Variants in RPLP2 observed in about 807,000 individuals in gnomAD.
RPLP2 encodes the protein large ribosomal subunit protein P2.
A neutral mutation model predicts 11.5 loss-of-function variants in RPLP2; 1 was observed. The observed-to-expected ratio is 0.09, with a 90% CI of 0.03 to 0.41. RPLP2 has a LOEUF of 0.41. Among genes scored for constraint, RPLP2 ranks in the 10% least tolerant of loss-of-function variants. RPLP2 has a pLI of 0.98. For synonymous variants in RPLP2, 82 were observed against 55.9 expected, an observed-to-expected ratio of 1.47 and a Z score of -2.08; for missense variants, 177 against 145.6, an observed-to-expected ratio of 1.22 and a Z score of -1.11.
intron 3 of RPLP2, chr11:812,281 G>A: frequency 1.8e-6 from 1 of 546,254 alleles, no homozygotes; most frequent in Non-Finnish European, 3.3e-6. Context: ...GGTGGAGGTG[G>A]GGAAATTGGG....
chr11:812,132 A>T (rs749586597), intron 3 of RPLP2: 5 of 379,254 alleles, frequency 1.3e-5, no homozygotes, highest in Non-Finnish European at 2.5e-5. Flanking sequence ...CTTGTCTTCC[A>T]TGCATGTGAC....
Position 811,331 on chromosome 11 carries a change from G to A in RPLP2, c.124-266G>A, listed in dbSNP as rs1866049199. On this transcript the variant is annotated intron_variant, in intron 2 of 4. Coordinates refer to ENST00000321153, the MANE Select transcript of RPLP2 (RefSeq NM_001004.4). ...ATTTCATTGCCAGTTTATTTTGCCA[G>A]TGTTGAAGATACCTATGAGTAGTCA... 13 of 532,804 alleles carry A rather than the reference G, an allele frequency of 2.4e-5. No homozygotes were observed. The South Asian group carries it at 2.6e-4, about 11-fold the overall frequency. The allele number at this position is 532,804 out of a possible 1,614,324, so 33.0% of individuals were successfully genotyped here.
In RPLP2 at chr11:810,743, G is replaced by A. The variant is rs142280716; in HGVS notation, c.123+386G>A. Among the ~76,000 whole-genome samples the A allele has an allele frequency of 5.2e-3, 786 of 150,676 alleles. 8 individuals are homozygous for A. The highest frequency in any genetic ancestry group is 0.035 in the South Asian group (166 of 4,768). On this transcript the variant is annotated intron_variant, in intron 2 of 4. Transcript: ENST00000321153. ...GGGAGATGGAGGTTGCACGGATCGT[G>A]CCACTGTACTCCAGTCTGGGTGGCA...
chr11:810,147 C>G, intron 1 of RPLP2, 87 bp from the exon 2 acceptor site: 5 of 1,366,654 alleles, frequency 3.7e-6, no homozygotes, highest in Non-Finnish European at 4.8e-6. Flanking sequence ...GGCCGAGCCA[C>G]GCGCGGCCTC....
intron 2 of RPLP2, chr11:811,248 G>A (rs1282421900): frequency 1.2e-5 from 4 of 335,202 alleles, no homozygotes; most frequent in Non-Finnish European, 1.7e-5. Context: ...ACTTGAGCCC[G>A]GGAGGTCAAG....
chr11:810,157 C>A, intron 1 of RPLP2, 77 bp from the exon 2 acceptor site: 1 of 1,380,634 alleles, frequency 7.2e-7, no homozygotes, highest in Non-Finnish European at 9.4e-7. Context: ...CGCGCGGCCT[C>A]GCCCGGCGGC....
At chr11:810,807 A>G (rs1476266169) in intron 2 of RPLP2, among the ~76,000 whole-genome samples, 3 of 141,604 alleles carry the variant, frequency 2.1e-5, no homozygotes, top group Non-Finnish European at 3.1e-5. Flanking sequence ...AAAAAAAAAA[A>G]GCAGGGTGGG....
At position 811,695 on chromosome 11, in the gene RPLP2, C is replaced by A. The variant is rs576032900; in HGVS notation, c.172+50C>A. 2.6e-5 allele frequency: 42 copies of A among 1,610,866 alleles called. No homozygotes were observed. The South Asian group carries it at 4.2e-4, about 16-fold the overall frequency. On this transcript the variant is annotated intron_variant, in intron 3 of 4. Coordinates refer to ENST00000321153, the MANE Select transcript of RPLP2 (RefSeq NM_001004.4). ...GTTTGTTTTCATGGTCCATCCTAAT[C>A]CCTGCCGGTCCATCTGTGGCCTGCC...
rs1455054203 is a variant in RPLP2 at position 810,055 on chromosome 11, G to A, written c.-2+16G>A. 2 of 706,770 alleles carry A rather than the reference G, an allele frequency of 2.8e-6. No individual in the cohort carries two copies. The highest frequency in any genetic ancestry group is 1.9e-5 in the African/African-American group (1 of 52,912). 43.8% of individuals were successfully genotyped at this position (706,770 alleles called of 1,614,324 possible). ...ACGCCGCCGCGTGAGTGTGGTGACCGGGCCCGGGGTGCCGGCTGGGGACGC... is the reference window on the plus strand; with the variant it reads ...ACGCCGCCGCGTGAGTGTGGTGACCAGGCCCGGGGTGCCGGCTGGGGACGC... On this transcript the variant is annotated intron_variant, in intron 1 of 4. Coordinates refer to ENST00000321153, the MANE Select transcript of RPLP2 (RefSeq NM_001004.4).
At chr11:810,701 G>A (rs531225665) in intron 2 of RPLP2, among the ~76,000 whole-genome samples, 1 of 151,758 alleles carries the variant, frequency 6.6e-6, no homozygotes, top group South Asian at 2.1e-4. Flanking sequence ...GCTGAGGCAG[G>A]AAAATCGCTC....
intron 2 of RPLP2, 70 bp from the exon 3 acceptor site, chr11:811,527 C>T (rs758387197): frequency 9.5e-5 from 152 of 1,595,216 alleles, no homozygotes; most frequent in Non-Finnish European, 1.2e-4. Context: ...CCTGCTGTGA[C>T]TCTGGGAGGG....
chr11:810,604 G>C, intron 2 of RPLP2: 1 of 365,694 alleles, frequency 2.7e-6, no homozygotes, highest in Non-Finnish European at 5.0e-6. Flanking sequence ...GACCAGCCTG[G>C]TAAACATGTC....
At chr11:811,879 A>C in intron 3 of RPLP2, 5 of 747,816 alleles carry the variant, frequency 6.7e-6, no homozygotes, top group East Asian at 2.5e-5. Flanking sequence ...CCTGCCTCTT[A>C]AGCCTGACTG....
chr11:812,767 G>A lies in RPLP2; in HGVS notation c.279G>A (p.Glu93=), dbSNP rs1845425054. The A allele has an allele frequency of 1.9e-6, 3 of 1,613,894 alleles. No individual in the cohort carries two copies. Among genetic ancestry groups the A allele is most frequent in the Non-Finnish European group, 1.7e-6 (2 of 1,179,920 alleles). ...AAGSAPAAAE[E]KKDEKKEESE... The stretch of plus-strand genomic sequence containing the variant: ...CTCTCCTCTGTTCCACAGCAGAGGA[G>A]AAGAAAGATGAGAAGAAGGAGGAGT... Residue 93 remains glutamate, a synonymous_variant, in exon 5 of 5, where the codon GAG becomes GAA. Coordinates refer to ENST00000321153, the MANE Select transcript of RPLP2 (RefSeq NM_001004.4).
chr11:811,059 C>T (rs186807846), intron 2 of RPLP2, among the ~76,000 whole-genome samples: 50 of 151,200 alleles, frequency 3.3e-4, no homozygotes, highest in Non-Finnish European at 5.0e-4. Flanking sequence ...CATCTGTAGT[C>T]TCAGCTACTC....
Position 811,415 on chromosome 11 carries a change from G to A in RPLP2, c.124-182G>A, listed in dbSNP as rs1358685781. The A allele has an allele frequency of 4.7e-6, 3 of 642,546 alleles. No homozygotes were observed. The East Asian group carries it at 8.2e-5, about 18-fold the overall frequency. 39.8% of individuals were successfully genotyped at this position (642,546 alleles called of 1,614,324 possible). A position where few individuals can be genotyped will look rare whatever the true frequency, so the allele number is the denominator to read the frequency against. On this transcript the variant is annotated intron_variant, in intron 2 of 4. Coordinates refer to ENST00000321153, the MANE Select transcript of RPLP2 (RefSeq NM_001004.4). The stretch of plus-strand genomic sequence containing the variant: ...CAGTCCTAAGTCTAAGAAAGCTAGT[G>A]TCCATTTATTTTTATATCACTTCCC...
Position 810,223 on chromosome 11 carries a change from G to C in RPLP2, c.-1-11G>C, listed in dbSNP as rs367869473. 6.5e-7 allele frequency: 1 copy of C among 1,536,028 alleles called. No homozygotes were observed. On this transcript the variant is annotated splice_polypyrimidine_tract_variant and intron_variant, in intron 1 of 4. Transcript: ENST00000321153. Reference sequence around the variant, plus strand: ...GTAACTCCGCCGTCGCGTCCTCTCCGCCCGCCTCAGGATGCGCTACGTCGC... The same window carrying C: ...GTAACTCCGCCGTCGCGTCCTCTCCCCCCGCCTCAGGATGCGCTACGTCGC...
At chr11:812,403 G>A (rs1044168271) in intron 3 of RPLP2, 132 bp from the exon 4 acceptor site, 17 of 1,180,584 alleles carry the variant, frequency 1.4e-5, no homozygotes, top group South Asian at 2.8e-5. Flanking sequence ...CAGGAAGAAC[G>A]GGAGACACTG....
rs1565080537 is a variant in RPLP2, at chr11:812,555, GTACCT to G, written c.194_198del (p.Val65GlyfsTer31). 1 of 1,609,570 alleles carries G rather than the reference GTACCT, an allele frequency of 6.2e-7. No homozygotes were observed. Among genetic ancestry groups the G allele is most frequent in the East Asian group, 2.2e-5 (1 of 44,886 alleles). Reference sequence around the variant, plus strand: ...TGTAGGTATTGGCAAGCTTGCCAGTGTACCTGCTGGTGGGGCTGTAGCCGTCTCTG... The same window carrying G: ...TGTAGGTATTGGCAAGCTTGCCAGTGGCTGGTGGGGCTGTAGCCGTCTCTG... On this transcript the variant is annotated frameshift_variant, in exon 4 of 5. Transcript: ENST00000321153. LOFTEE classifies it high-confidence loss of function.
Sources: gnomAD v4.1 joint callset for allele counts (sites outside exome capture counted in the v4.1 genomes callset) on GRCh38, gnomAD v4.1.1 for gene constraint, MANE v1.5 for transcripts, NCBI Gene and HGNC (gene_info 2026-07-23, HGNC 2026-07-21) for gene names.